The following SLC16A7 variants were observed in gnomAD, a reference collection of about 807,000 sequenced individuals.
SLC16A7 encodes the protein solute carrier family 16 member 7.
SLC16A7 carries 33 observed loss-of-function variants against 34.9 expected under a neutral mutation model. The ratio of observed to expected loss-of-function variants is 0.94; its 90% CI spans 0.72 to 1.26. The LOEUF is 1.26. Ranked by LOEUF, SLC16A7 falls within the 50% of genes most tolerant of loss-of-function variation. The pLI, the probability that SLC16A7 is intolerant of heterozygous loss-of-function variation, is 0.00. For synonymous variants in SLC16A7, 201 were observed against 206.6 expected, an observed-to-expected ratio of 0.97 and a Z score of 0.23; for missense variants, 573 against 578.1, an observed-to-expected ratio of 0.99 and a Z score of 0.09.
At chr12:59,658,605 C>T (rs907011922) in intron 2 of SLC16A7, among the ~76,000 whole-genome samples, 1 of 151,948 alleles carries the variant, frequency 6.6e-6, no homozygotes, top group Non-Finnish European at 1.5e-5. Flanking sequence ...TACCTTGAAA[C>T]TGCATCAAGA....
chr12:59,714,853 A>G (rs965397176), intron 3 of SLC16A7, among the ~76,000 whole-genome samples: 1 of 151,828 alleles, frequency 6.6e-6, no homozygotes, highest in Non-Finnish European at 1.5e-5. Context: ...GCATGAGCCA[A>G]CATGCCCGGC....
intron 3 of SLC16A7, among the ~76,000 whole-genome samples, chr12:59,714,690 G>A (rs1162150704): frequency 2.0e-5 from 3 of 151,898 alleles, no homozygotes; most frequent in Non-Finnish European, 4.4e-5. Flanking sequence ...TCAGCCTCTC[G>A]AGTAGCTAGG....
At position 59,783,067 on chromosome 12, in the gene SLC16A7, TATATG is replaced by T. The variant is rs1344595548; in HGVS notation, c.*3393_*3397del. ...GAATATAGAAAAGAAGACTAAAAGA[TATATG>T]ATATAAATGTAAGTTTTTATGTAGA... On this transcript the variant is annotated 3_prime_UTR_variant, in exon 6 of 6. Transcript: ENST00000547379. 6.6e-6 allele frequency: 1 copy of T among 152,178 alleles called. No individual in the cohort carries two copies. Among genetic ancestry groups the T allele is most frequent in the Non-Finnish European group, 1.5e-5 (1 of 68,026 alleles). The allele number at this position is 152,178 out of a possible 1,614,324, so 9.4% of individuals were successfully genotyped here. A position where few individuals can be genotyped will look rare whatever the true frequency, so the allele number is the denominator to read the frequency against.
intron 5 of SLC16A7, among the ~76,000 whole-genome samples, chr12:59,775,814 G>A (rs1882704721): frequency 1.3e-5 from 2 of 152,212 alleles, no homozygotes; most frequent in South Asian, 4.1e-4. Flanking sequence ...TTGGTGAACA[G>A]ATCTCTCGTC....
At chr12:59,711,271 C>T (rs140086648) in intron 3 of SLC16A7, among the ~76,000 whole-genome samples, 1 of 152,130 alleles carries the variant, frequency 6.6e-6, no homozygotes, top group Non-Finnish European at 1.5e-5. Context: ...AAAGTATTAA[C>T]AATAAGCACT....
At chr12:59,708,432 T>A (rs1873836430) in intron 3 of SLC16A7, among the ~76,000 whole-genome samples, 1 of 152,174 alleles carries the variant, frequency 6.6e-6, no homozygotes, top group Non-Finnish European at 1.5e-5. Context: ...CACTATTTGA[T>A]TTTAAAATAC....
intron 3 of SLC16A7, chr12:59,769,429 T>C (rs1404817126): frequency 6.6e-6 from 1 of 152,146 alleles, no homozygotes; most frequent in Non-Finnish European, 1.5e-5. Context: ...GGGACAGAAT[T>C]ATATTCTTTT....
At chr12:59,752,888 C>T (rs1408914003) in intron 3 of SLC16A7, among the ~76,000 whole-genome samples, 1 of 152,216 alleles carries the variant, frequency 6.6e-6, no homozygotes, top group Non-Finnish European at 1.5e-5. Flanking sequence ...GGAAGCCCAT[C>T]AGACTAACAG....
chr12:59,602,398 C>T (rs767265402), intron 1 of SLC16A7, among the ~76,000 whole-genome samples: 23 of 151,690 alleles, frequency 1.5e-4, no homozygotes, highest in South Asian at 1.0e-3. Context: ...CTTCTCTCAC[C>T]GCTCATTTAC....
At chr12:59,727,170 A>ATATATATATATATAATAT (rs1555174538) in intron 3 of SLC16A7, among the ~76,000 whole-genome samples, 1 of 144,380 alleles carries the variant, frequency 6.9e-6, no homozygotes, top group African/African-American at 2.7e-5. Flanking sequence ...ATATATATAT[A>ATATATATATATATAATAT]ATATATATAT....
chr12:59,603,219 C>A (rs1878773906), intron 1 of SLC16A7, among the ~76,000 whole-genome samples: 1 of 152,198 alleles, frequency 6.6e-6, no homozygotes, highest in South Asian at 2.1e-4. Flanking sequence ...CACCTCTGGT[C>A]TCTCACCCTA....
At chr12:59,690,899 GA>G (rs2137095345) in intron 2 of SLC16A7, among the ~76,000 whole-genome samples, 1 of 151,708 alleles carries the variant, frequency 6.6e-6, no homozygotes, top group African/African-American at 2.4e-5. Context: ...CCTCAAGTAT[GA>G]TAGAAATTTA....
At chr12:59,711,584 C>G (rs1013090382) in intron 3 of SLC16A7, among the ~76,000 whole-genome samples, 3 of 152,164 alleles carry the variant, frequency 2.0e-5, no homozygotes, top group Non-Finnish European at 2.9e-5. Flanking sequence ...GTGGTGTGAT[C>G]ATGGCTCACT....
rs1173548572 is a variant in SLC16A7, at chr12:59,784,018, T to A, written c.*4339T>A. ...TCTGATTGCCTGCTTTTCTCCCCAA[T>A]GCAAATTATCTCAAATAATGATAAT... On this transcript the variant is annotated 3_prime_UTR_variant, in exon 6 of 6. Coordinates refer to ENST00000547379, the MANE Select transcript of SLC16A7 (RefSeq NM_001270623.2). The A allele has an allele frequency of 6.6e-6, 1 of 152,106 alleles. No homozygotes were observed. The highest frequency in any genetic ancestry group is 1.9e-4 in the East Asian group (1 of 5,192). The allele number at this position is 152,106 out of a possible 1,614,324, so 9.4% of individuals were successfully genotyped here.
chr12:59,609,898 G>T (rs946876290), intron 1 of SLC16A7, among the ~76,000 whole-genome samples: 1 of 152,096 alleles, frequency 6.6e-6, no homozygotes, highest in East Asian at 1.9e-4. Context: ...GAGAAGGCAG[G>T]TAACAAACTT....
chr12:59,705,087 T>A (rs189326187), intron 3 of SLC16A7, 69 bp downstream of exon 3: 2 of 1,056,906 alleles, frequency 1.9e-6, no homozygotes, highest in Admixed American at 3.5e-5. Context: ...ATGTTTTACA[T>A]GGAGTGTCTT....
rs148249143 is a variant in SLC16A7 at position 59,709,409 on chromosome 12, G to A, written c.217+4391G>A. ...CACTGAGCTTATTTTACTGGAGGCCGAGAAGCAAAAGGCTTTAACATAGCA... is the reference window on the plus strand; with the variant it reads ...CACTGAGCTTATTTTACTGGAGGCCAAGAAGCAAAAGGCTTTAACATAGCA... On this transcript the variant is annotated intron_variant, in intron 3 of 5. Coordinates refer to ENST00000547379, the MANE Select transcript of SLC16A7 (RefSeq NM_001270623.2). 3.1e-3 allele frequency among the ~76,000 whole-genome samples: 476 copies of A among 151,656 alleles called. 10 individuals are homozygous for A. The highest frequency in any genetic ancestry group is 6.8e-3 in the Middle Eastern group (2 of 294).
intron 1 of SLC16A7, among the ~76,000 whole-genome samples, chr12:59,616,398 C>A (rs940774138): frequency 5.9e-5 from 9 of 151,942 alleles, no homozygotes; most frequent in Non-Finnish European, 5.9e-5. Flanking sequence ...TCTGGGTAGG[C>A]CATTAAACAT....
At chr12:59,618,727 A>G (rs1452451479) in intron 1 of SLC16A7, among the ~76,000 whole-genome samples, 1 of 151,974 alleles carries the variant, frequency 6.6e-6, no homozygotes, top group Non-Finnish European at 1.5e-5. Context: ...GTACACATAG[A>G]TATTATGATC....
Sources: allele counts gnomAD v4.1 joint callset (sites outside exome capture counted in the v4.1 genomes callset), GRCh38; gene constraint gnomAD v4.1.1; transcripts MANE v1.5; gene names NCBI Gene and HGNC (gene_info 2026-07-23, HGNC 2026-07-21).